Variants in DDX55 observed in about 807,000 individuals in gnomAD.
DDX55 encodes DEAD-box helicase 55, also known as ATP-dependent RNA helicase DDX55.
A neutral mutation model predicts 69.2 loss-of-function variants in DDX55; 56 were observed. The observed-to-expected ratio is 0.81, with a 90% CI of 0.65 to 1.01. DDX55 has a LOEUF of 1.01. Among genes scored for constraint, DDX55 ranks in the 50% least tolerant of loss-of-function variants. The probability of loss-of-function intolerance (pLI) is 0.00; values close to 1 mark genes in which losing one functional copy is unlikely to be tolerated. For synonymous variants in DDX55, 268 were observed against 273.1 expected (o/e 0.98, Z 0.18); for missense variants, 720 against 745.1 (o/e 0.97, Z 0.39).
intron 12 of DDX55, 53 bp downstream of exon 12, chr12:123,618,890 C>T: frequency 1.3e-6 from 2 of 1,590,830 alleles, no homozygotes; most frequent in Non-Finnish European, 1.7e-6. Flanking sequence ...ATGTGGTGGT[C>T]TTACAAGTAT....
intron 6 of DDX55, among the ~76,000 whole-genome samples, chr12:123,609,037 T>G (rs1011976313): frequency 6.6e-5 from 10 of 152,278 alleles, no homozygotes; most frequent in Non-Finnish European, 1.2e-4. Flanking sequence ...CACTGCAGCC[T>G]CAACCTCTCG....
At chr12:123,614,700 C>A (rs1382096582) in intron 8 of DDX55, among the ~76,000 whole-genome samples, 2 of 152,132 alleles carry the variant, frequency 1.3e-5, no homozygotes, top group Non-Finnish European at 2.9e-5. Context: ...AGCTCCAAGT[C>A]CCAAATATCT....
chr12:123,614,654 G>T (rs968444193), intron 8 of DDX55, among the ~76,000 whole-genome samples: 11 of 152,122 alleles, frequency 7.2e-5, no homozygotes, highest in Non-Finnish European at 1.2e-4. Context: ...TCTTTATTGG[G>T]ATGACTGCCA....
chr12:123,618,342 C>T (rs7139162), intron 11 of DDX55: 1 of 612,952 alleles, frequency 1.6e-6, no homozygotes, highest in Non-Finnish European at 3.0e-6. Context: ...TGTGGAGGCA[C>T]CTCGGTCATG....
intron 1 of DDX55, among the ~76,000 whole-genome samples, chr12:123,604,009 G>A (rs561746457): frequency 9.9e-5 from 15 of 151,898 alleles, no homozygotes; most frequent in African/African-American, 3.6e-4. Context: ...CGCCATGTTG[G>A]CCAGACTGGT....
At position 123,617,257 on chromosome 12, in the gene DDX55, T is replaced by C. The variant is rs143205520; in HGVS notation, c.1050-501T>C. 6.4e-3 allele frequency among the ~76,000 whole-genome samples: 981 copies of C among 152,350 alleles called. 12 individuals carry two copies. The highest frequency in any genetic ancestry group is 0.022 in the African/African-American group (906 of 41,584). On this transcript the variant is annotated intron_variant, in intron 10 of 13. Coordinates refer to ENST00000238146, the MANE Select transcript of DDX55 (RefSeq NM_020936.3). ...CAATTAAAAGTACTTTCAAATATTA[T>C]CAGTTCTTGCAGAAACACACAATAG...
intron 7 of DDX55, 141 bp downstream of exon 7, chr12:123,610,269 C>G: frequency 9.8e-7 from 1 of 1,025,280 alleles, no homozygotes; most frequent in Non-Finnish European, 1.4e-6. Flanking sequence ...GGCAAATGGC[C>G]TGAGTGGTCC....
chr12:123,604,508 GGAATGTAGTGC>G (rs1953770752), intron 1 of DDX55, among the ~76,000 whole-genome samples: 1 of 152,140 alleles, frequency 6.6e-6, no homozygotes. Flanking sequence ...CCCTGCCTAG[GGAATGTAGTGC>G]GAGCAAGACC....
chr12:123,603,444 T>C (rs1953692847), intron 1 of DDX55, among the ~76,000 whole-genome samples: 1 of 146,980 alleles, frequency 6.8e-6, no homozygotes, highest in South Asian at 2.2e-4. Context: ...CAGGCTGGAG[T>C]GCAGTGGCGC....
chr12:123,610,516 G>C (rs1468266679), intron 7 of DDX55, among the ~76,000 whole-genome samples: 1 of 151,420 alleles, frequency 6.6e-6, no homozygotes, highest in East Asian at 1.9e-4. Context: ...TCAAATGACA[G>C]ACTCACTCCT....
rs1370666956 is a variant in DDX55, at chr12:123,615,284, T to C, written c.924T>C (p.Asn308=). The C allele has an allele frequency of 6.2e-7, 1 of 1,614,054 alleles. No homozygotes were observed. The part of the protein sequence containing the change: ...CIHGKMKYKR[N]KIFMEFRKLQ... ...ACGGAAAGATGAAATATAAACGCAATAAGATCTTCATGGAGTTCCGCAAAT... is the reference window on the plus strand; with the variant it reads ...ACGGAAAGATGAAATATAAACGCAACAAGATCTTCATGGAGTTCCGCAAAT... Residue 308 remains asparagine (N), a synonymous_variant, in exon 9 of 14, where the codon AAT becomes AAC. Transcript: ENST00000238146.
chr12:123,610,141 G>C lies in DDX55; in HGVS notation c.741+13G>C. On this transcript the variant is annotated intron_variant, in intron 7 of 13. Transcript: ENST00000238146. Reference sequence around the variant, plus strand: ...AAACTACTACATGGTAAGCGCCTGGGCTTGCTTCTTACTCAGCGATAATGA... The same window carrying C: ...AAACTACTACATGGTAAGCGCCTGGCCTTGCTTCTTACTCAGCGATAATGA... 6.2e-7 allele frequency: 1 copy of C among 1,608,048 alleles called. No homozygotes were observed. The highest frequency in any genetic ancestry group is 1.1e-5 in the South Asian group (1 of 90,296).
rs571362115 is a variant in DDX55, at chr12:123,620,055, A to C, written c.1718A>C (p.Glu573Ala). The change falls in exon 14 of 14, where the codon GAA (glutamate) becomes GCA (alanine). Residue 573 changes from glutamate (E) to alanine (A), a missense_variant. Glu to Ala is a moderately radical substitution (Grantham distance 107). Coordinates refer to ENST00000238146, the MANE Select transcript of DDX55 (RefSeq NM_020936.3). Reference protein sequence around the residue: ...KLKKGKITEEEFEKGLLTTGK... With the variant: ...KLKKGKITEEAFEKGLLTTGK... ...AAGAAAGGCAAAATAACTGAAGAAG[A>C]ATTTGAGAAGGGCTTGTTGACAACT... 1.2e-6 allele frequency: 2 copies of C among 1,614,232 alleles called. No homozygotes were observed. The highest frequency in any genetic ancestry group is 4.5e-5 in the East Asian group (2 of 44,888).
At position 123,619,438 on chromosome 12, in the gene DDX55, ATTTTGCCAGCCTTGCTCGAGG is replaced by A; in HGVS notation, c.1348_1368del (p.Ser450_Ala456del). The A allele has an allele frequency of 6.2e-7, 1 of 1,611,328 alleles. No homozygotes were observed. On this transcript the variant is annotated inframe_deletion, in exon 13 of 14. Coordinates refer to ENST00000238146, the MANE Select transcript of DDX55 (RefSeq NM_020936.3). Reference sequence around the variant, plus strand: ...GATCTTCTGATTGAATCAGATCTTGATTTTGCCAGCCTTGCTCGAGGTTTTGCCCTGCTGAGGATGCCCAAG... The same window carrying A: ...GATCTTCTGATTGAATCAGATCTTGATTTTGCCCTGCTGAGGATGCCCAAG...
rs911820625 is a variant in DDX55, at chr12:123,618,757, T to C, written c.1253T>C (p.Phe418Ser). 6.2e-7 allele frequency: 1 copy of C among 1,614,072 alleles called. No individual in the cohort carries two copies. Among genetic ancestry groups the C allele is most frequent in the African/African-American group, 1.3e-5 (1 of 74,928 alleles). Residue 418 changes from phenylalanine (F) to serine (S), a missense_variant, in exon 12 of 14, where the codon TTT becomes TCT. Transcript: ENST00000238146. ...ATGGCCCTGGCTGACAGAGCTGTGTTTGAAAAGGGCATGAAAGCTTTTGTG... is the reference window on the plus strand; with the variant it reads ...ATGGCCCTGGCTGACAGAGCTGTGTCTGAAAAGGGCATGAAAGCTTTTGTG... ...KSMALADRAV[F>S]EKGMKAFVSY... is the part of the protein sequence containing the mutation.
At chr12:123,610,890 G>GTGTT in intron 7 of DDX55, among the ~76,000 whole-genome samples, 1 of 132,786 alleles carries the variant, frequency 7.5e-6, no homozygotes, top group African/African-American at 2.8e-5. Context: ...GCGCCCGGCC[G>GTGTT]TTTTTTTTTG....
chr12:123,606,119 A>G lies in DDX55; in HGVS notation c.206A>G (p.Glu69Gly), dbSNP rs138269355. ...KTLAFVIPIL[E>G]ILLRREEKLK... is the part of the protein sequence containing the mutation. The stretch of plus-strand genomic sequence containing the variant: ...CTCGCTTTTGTCATCCCCATCCTGG[A>G]AATTCTTCTGAGAAGAGAAGAGAAG... The change falls in exon 3 of 14, where the codon GAA becomes GGA. Residue 69 changes from glutamate (E) to glycine (G), a missense_variant. Transcript: ENST00000238146. 54 of 1,614,108 alleles carry G rather than the reference A, an allele frequency of 3.3e-5. No individual in the cohort carries two copies. Among genetic ancestry groups the G allele is most frequent in the African/African-American group, 2.8e-4 (21 of 74,944 alleles).
At chr12:123,610,605 C>CTTTTTTTTTTT in intron 7 of DDX55, among the ~76,000 whole-genome samples, 1 of 90,058 alleles carries the variant, frequency 1.1e-5, no homozygotes, top group Non-Finnish European at 2.2e-5. Context: ...TGCTGAGTTT[C>CTTTTTTTTTTT]TTTTTTTTTT....
At chr12:123,613,806 T>G (rs1954451169) in intron 8 of DDX55, among the ~76,000 whole-genome samples, 1 of 152,122 alleles carries the variant, frequency 6.6e-6, no homozygotes. Context: ...TAGTGGCCAG[T>G]GAAGCAAGAA....
Sources: allele counts gnomAD v4.1 joint callset (sites outside exome capture counted in the v4.1 genomes callset), GRCh38; gene constraint gnomAD v4.1.1; transcripts MANE v1.5; gene names NCBI Gene and HGNC (gene_info 2026-07-23, HGNC 2026-07-21).